Variants in ZDHHC14 observed in about 807,000 individuals in gnomAD.
ZDHHC14 encodes the protein zDHHC palmitoyltransferase 14.
A neutral mutation model predicts 47.7 loss-of-function variants in ZDHHC14; 16 were observed. The ratio of observed to expected loss-of-function variants is 0.34; its 90% CI spans 0.23 to 0.51. The LOEUF is 0.51. ZDHHC14 is among the 20% of genes least tolerant of loss of function. The pLI, the probability that ZDHHC14 is intolerant of heterozygous loss-of-function variation, is 0.97. For synonymous variants in ZDHHC14, 293 were observed against 278.9 expected, an observed-to-expected ratio of 1.05 and a Z score of -0.50; for missense variants, 515 against 662.5, an observed-to-expected ratio of 0.78 and a Z score of 2.44.
chr6:157,413,044 C>G (rs1282619180), intron 1 of ZDHHC14, among the ~76,000 whole-genome samples: 3 of 152,270 alleles, frequency 2.0e-5, no homozygotes, highest in East Asian at 3.9e-4. Context: ...TGAAGGGAGA[C>G]TTCAGGAATA....
At chr6:157,515,017 T>C (rs1780630725) in intron 1 of ZDHHC14, among the ~76,000 whole-genome samples, 1 of 152,210 alleles carries the variant, frequency 6.6e-6, no homozygotes, top group Non-Finnish European at 1.5e-5. Flanking sequence ...GCTATGTATT[T>C]AGTGAGAACA....
intron 3 of ZDHHC14, among the ~76,000 whole-genome samples, chr6:157,604,657 C>T (rs1784466214): frequency 6.6e-6 from 1 of 152,134 alleles, no homozygotes; most frequent in African/African-American, 2.4e-5. Flanking sequence ...AATTCTCCTG[C>T]CTCAGCCTCC....
At chr6:157,403,131 T>C (rs1320767253) in intron 1 of ZDHHC14, among the ~76,000 whole-genome samples, 1 of 152,248 alleles carries the variant, frequency 6.6e-6, no homozygotes, top group African/African-American at 2.4e-5. Context: ...GATTTGGCTT[T>C]ATTTTAGAGC....
chr6:157,568,933 T>C (rs1389476611), intron 2 of ZDHHC14, among the ~76,000 whole-genome samples: 1 of 152,174 alleles, frequency 6.6e-6, no homozygotes, highest in African/African-American at 2.4e-5. Context: ...GCCCATTTTA[T>C]CACTGGACTA....
At chr6:157,562,670 AC>A (rs944248048) in intron 2 of ZDHHC14, among the ~76,000 whole-genome samples, 13 of 152,204 alleles carry the variant, frequency 8.5e-5, no homozygotes, top group African/African-American at 3.1e-4. Context: ...TCCTGAGCTC[AC>A]CACCCAGAGT....
At chr6:157,422,353 T>C (rs1422807503) in intron 1 of ZDHHC14, among the ~76,000 whole-genome samples, 1 of 152,190 alleles carries the variant, frequency 6.6e-6, no homozygotes, top group African/African-American at 2.4e-5. Context: ...TTCCCATACA[T>C]GTTCAATGAA....
intron 3 of ZDHHC14, among the ~76,000 whole-genome samples, chr6:157,621,254 C>T (rs1339208134): frequency 1.3e-5 from 2 of 152,066 alleles, no homozygotes; most frequent in African/African-American, 2.4e-5. Context: ...AGGCCAGATA[C>T]AATATGTACC....
intron 1 of ZDHHC14, among the ~76,000 whole-genome samples, chr6:157,385,070 C>T (rs1422697797): frequency 2.0e-5 from 3 of 152,226 alleles, no homozygotes; most frequent in Non-Finnish European, 2.9e-5. Flanking sequence ...GTGTGAGCCA[C>T]TGCACCTGGC....
chr6:157,579,383 G>A (rs1783435282), intron 2 of ZDHHC14, among the ~76,000 whole-genome samples: 1 of 151,800 alleles, frequency 6.6e-6, no homozygotes, highest in South Asian at 2.1e-4. Context: ...ATTTTTAGTA[G>A]ACAAGGGGTT....
chr6:157,447,044 G>A (rs1490276797), intron 1 of ZDHHC14, among the ~76,000 whole-genome samples: 7 of 152,006 alleles, frequency 4.6e-5, no homozygotes, highest in Non-Finnish European at 8.8e-5. Context: ...GCTTGAACCC[G>A]GGACGTGGAG....
chr6:157,547,120 T>A (rs751947763), intron 2 of ZDHHC14, among the ~76,000 whole-genome samples: 1 of 152,226 alleles, frequency 6.6e-6, no homozygotes, highest in Non-Finnish European at 1.5e-5. Flanking sequence ...ACTCTGTACA[T>A]GTTGCTGACG....
chr6:157,450,034 A>G (rs1207979487), intron 1 of ZDHHC14, among the ~76,000 whole-genome samples: 1 of 152,062 alleles, frequency 6.6e-6, no homozygotes, highest in Non-Finnish European at 1.5e-5. Flanking sequence ...CACATAACGC[A>G]CTTAGCAGTG....
At chr6:157,522,818 TCCC>T (rs1780983952) in intron 1 of ZDHHC14, among the ~76,000 whole-genome samples, 1 of 22,262 alleles carries the variant, frequency 4.5e-5, no homozygotes, top group Non-Finnish European at 6.9e-5. Flanking sequence ...CCTCCCTCCC[TCCC>T]TCCCTCCCTC....
At chr6:157,540,910 G>GTGTATATATATATATATATA (rs1284429244) in intron 1 of ZDHHC14, among the ~76,000 whole-genome samples, 17 of 122,978 alleles carry the variant, frequency 1.4e-4, no homozygotes, top group African/African-American at 7.4e-4. Context: ...GTGTGTGTGT[G>GTGTATATATATATATATATA]TATATATATA....
At chr6:157,650,846 C>T (rs1463034851) in intron 7 of ZDHHC14, among the ~76,000 whole-genome samples, 1 of 152,200 alleles carries the variant, frequency 6.6e-6, no homozygotes, top group Non-Finnish European at 1.5e-5. Flanking sequence ...CCTGTCTCCC[C>T]ACCAGCTTGC....
At chr6:157,528,390 A>T (rs530047181) in intron 1 of ZDHHC14, among the ~76,000 whole-genome samples, 60 of 152,340 alleles carry the variant, frequency 3.9e-4, no homozygotes, top group Non-Finnish European at 8.4e-4. Context: ...GGAAAAGCAC[A>T]AGTAGATGAA....
At position 157,496,812 on chromosome 6, in the gene ZDHHC14, G is replaced by A. The variant is rs146938583; in HGVS notation, c.246-45773G>A. Among the ~76,000 whole-genome samples the A allele has an allele frequency of 1.6e-3, 244 of 152,306 alleles. 2 individuals are homozygous for A. Among genetic ancestry groups the A allele is most frequent in the African/African-American group, 5.5e-3 (229 of 41,562 alleles). ...CCCAGTTTGAGGCACTGGTTATGGCGGCCCTAGGAATCCAATACACACGCC... is the reference window on the plus strand; with the variant it reads ...CCCAGTTTGAGGCACTGGTTATGGCAGCCCTAGGAATCCAATACACACGCC... On this transcript the variant is annotated intron_variant, in intron 1 of 8. Transcript: ENST00000359775.
chr6:157,492,206 G>GCCCCCCC (rs954347593), intron 1 of ZDHHC14, among the ~76,000 whole-genome samples: 3,192 of 81,286 alleles, frequency 0.039, 32 homozygotes, highest in Middle Eastern at 0.067. Context: ...CTCCGCCCCC[G>GCCCCCCC]CCCCCCAGCC....
At position 157,534,447 on chromosome 6, in the gene ZDHHC14, A is replaced by G. The variant is rs148898658; in HGVS notation, c.246-8138A>G. On this transcript the variant is annotated intron_variant, in intron 1 of 8. Coordinates refer to ENST00000359775, the MANE Select transcript of ZDHHC14 (RefSeq NM_024630.3). ...CATGCCTAAGTAATGTCTGGACATT[A>G]AAGAGCAACTTTTGGGGCAAAACAG... Among the ~76,000 whole-genome samples the G allele has an allele frequency of 5.6e-3, 852 of 152,318 alleles. 6 individuals are homozygous for G. Among genetic ancestry groups the G allele is most frequent in the Non-Finnish European group, 8.8e-3 (601 of 68,014 alleles).
Sources: gnomAD v4.1 joint callset for allele counts (sites outside exome capture counted in the v4.1 genomes callset) on GRCh38, gnomAD v4.1.1 for gene constraint, MANE v1.5 for transcripts, NCBI Gene and HGNC (gene_info 2026-07-23, HGNC 2026-07-21) for gene names.